ZBBX: variants seen among roughly 807,000 people sequenced by gnomAD.
ZBBX encodes zinc finger B-box domain-containing protein 1.
ZBBX carries 101 observed loss-of-function variants against 108.5 expected under a neutral mutation model. The observed-to-expected ratio is 0.93, with a 90% CI of 0.79 to 1.10. The LOEUF (loss-of-function observed/expected upper bound fraction) is 1.10. ZBBX is among the 50% of genes least tolerant of loss of function. The probability of loss-of-function intolerance (pLI) is 0.00; values close to 1 mark genes in which losing one functional copy is unlikely to be tolerated. For synonymous variants in ZBBX, 356 were observed against 323.4 expected, an observed-to-expected ratio of 1.10 and a Z score of -1.08; for missense variants, 1,009 against 941.4, an observed-to-expected ratio of 1.07 and a Z score of -0.94.
chr3:167,241,428 C>T (rs1266245718), intron 21 of ZBBX, among the ~76,000 whole-genome samples: 1 of 152,054 alleles, frequency 6.6e-6, no homozygotes, highest in East Asian at 1.9e-4. Context: ...CAGGGGGCAC[C>T]TTATTCTGTT....
chr3:167,298,900 T>A lies in ZBBX; in HGVS notation c.1726-442A>T, dbSNP rs539386663. Among the ~76,000 whole-genome samples the A allele has an allele frequency of 2.0e-5, 3 of 151,678 alleles. No homozygotes were observed. The East Asian group carries it at 5.8e-4, about 29-fold the overall frequency. On this transcript the variant is annotated intron_variant, in intron 17 of 21. Transcript: ENST00000675490. Reference sequence around the variant, plus strand: ...CTGACAATGGTCATGGAAAAAAAAATGTAAGTTAACAAAACACTCATCATG... The same window carrying A: ...CTGACAATGGTCATGGAAAAAAAAAAGTAAGTTAACAAAACACTCATCATG...
the ZBBX span, among the ~76,000 whole-genome samples, chr3:167,208,073 C>T: frequency 1.3e-5 from 2 of 152,168 alleles, no homozygotes; most frequent in Non-Finnish European, 2.9e-5. Flanking sequence ...TGGAAAGCAA[C>T]ATCACACAGA....
At chr3:167,370,243 C>T (rs543872511) in intron 4 of ZBBX, among the ~76,000 whole-genome samples, 14 of 152,186 alleles carry the variant, frequency 9.2e-5, no homozygotes, top group African/African-American at 3.4e-4. Flanking sequence ...AAAAATGGAG[C>T]TTTTGAGAAA....
intron 1 of ZBBX, among the ~76,000 whole-genome samples, chr3:167,389,105 G>T (rs375920749): frequency 2.0e-5 from 3 of 151,652 alleles, no homozygotes; most frequent in Non-Finnish European, 4.4e-5. Context: ...CTTAGGTATT[G>T]GTCCTAATGT....
intron 1 of ZBBX, among the ~76,000 whole-genome samples, chr3:167,407,553 A>G (rs1012720343): frequency 3.9e-5 from 6 of 152,164 alleles, no homozygotes; most frequent in Admixed American, 3.9e-4. Context: ...CAATAACAAA[A>G]TGTCAATTAA....
intron 16 of ZBBX, among the ~76,000 whole-genome samples, chr3:167,312,530 T>C (rs1734765779): frequency 6.6e-6 from 1 of 152,176 alleles, no homozygotes; most frequent in Non-Finnish European, 1.5e-5. Flanking sequence ...TATGTATGTG[T>C]ATAGAGCAAA....
chr3:167,191,934 T>TATAGAGAGAG, the ZBBX span, among the ~76,000 whole-genome samples: 82 of 130,212 alleles, frequency 6.3e-4, 2 homozygotes, highest in African/African-American at 2.2e-3. Context: ...TATATATATA[T>TATAGAGAGAG]AGAGCAAGTT....
chr3:167,348,348 G>GAAAGAA (rs1553832761), intron 9 of ZBBX, among the ~76,000 whole-genome samples: 3 of 106,112 alleles, frequency 2.8e-5, no homozygotes, highest in African/African-American at 1.1e-4. Flanking sequence ...AAGAAAGAAA[G>GAAAGAA]AAAGAAAGAA....
chr3:167,200,512 T>C, the ZBBX span, among the ~76,000 whole-genome samples: 3 of 152,156 alleles, frequency 2.0e-5, no homozygotes, highest in Non-Finnish European at 4.4e-5. Context: ...CAGAGTGTCC[T>C]GAGGCTTGAA....
At chr3:167,244,275 T>A (rs1721187418) in intron 20 of ZBBX, among the ~76,000 whole-genome samples, 2 of 152,168 alleles carry the variant, frequency 1.3e-5, no homozygotes, top group Non-Finnish European at 2.9e-5. Flanking sequence ...TATTTTTCCG[T>A]ATGGTAAAAG....
downstream of ZBBX, among the ~76,000 whole-genome samples, chr3:167,238,300 G>T (rs1055493150): frequency 6.6e-6 from 1 of 152,066 alleles, no homozygotes; most frequent in African/African-American, 2.4e-5. Flanking sequence ...TGTGACAGAG[G>T]ACATGTTAAG....
chr3:167,235,489 ATG>A (rs1400633621), downstream of ZBBX, among the ~76,000 whole-genome samples: 2 of 151,500 alleles, frequency 1.3e-5, no homozygotes, highest in Non-Finnish European at 3.0e-5. Flanking sequence ...TGTAACTAGA[ATG>A]TGTAGATATA....
intron 18 of ZBBX, among the ~76,000 whole-genome samples, chr3:167,295,270 T>C (rs1297293867): frequency 8.5e-5 from 13 of 152,070 alleles, no homozygotes; most frequent in Admixed American, 7.9e-4. Flanking sequence ...CTGTTCACAA[T>C]AGCAGACTTG....
chr3:167,294,774 G>A (rs1235974324), intron 18 of ZBBX, among the ~76,000 whole-genome samples: 2 of 151,908 alleles, frequency 1.3e-5, no homozygotes, highest in East Asian at 3.9e-4. Flanking sequence ...CAGAATGGAA[G>A]AAAATTTTGG....
the ZBBX span, among the ~76,000 whole-genome samples, chr3:167,208,943 G>A: frequency 6.6e-6 from 1 of 152,092 alleles, no homozygotes; most frequent in South Asian, 2.1e-4. Context: ...CTGCATTAAC[G>A]GGAGAGTCCC....
chr3:167,268,614 C>T (rs757783243), intron 20 of ZBBX, among the ~76,000 whole-genome samples: 24 of 152,086 alleles, frequency 1.6e-4, no homozygotes, highest in Admixed American at 3.3e-4. Context: ...AAGGACCAAA[C>T]GAGACAATAT....
chr3:167,365,895 A>G lies in ZBBX; in HGVS notation c.264T>C (p.Asn88=), dbSNP rs781392870. The G allele has an allele frequency of 6.8e-5, 109 of 1,605,442 alleles. No homozygotes were observed. The Middle Eastern group carries it at 3.6e-3, about 54-fold the overall frequency. The change falls in exon 6 of 22, where the codon AAT becomes AAC. Residue 88 remains asparagine, a synonymous_variant. Coordinates refer to ENST00000675490, the MANE Select transcript of ZBBX (RefSeq NM_001199201.2). Reference sequence around the variant, plus strand: ...AATAGTATCTTCTTACCTTAACAACATTTCCTTTATTTTGTGACATCATAT... The same window carrying G: ...AATAGTATCTTCTTACCTTAACAACGTTTCCTTTATTTTGTGACATCATAT... ...QSYMMSQNKG[N]VVKFSAGKVK... is the part of the protein sequence containing the mutation.
intron 9 of ZBBX, among the ~76,000 whole-genome samples, chr3:167,349,969 G>T (rs777970198): frequency 6.6e-6 from 1 of 151,750 alleles, no homozygotes; most frequent in Non-Finnish European, 1.5e-5. Context: ...TGTACAGAAG[G>T]AAAAATAGAA....
At chr3:167,191,670 T>G in the ZBBX span, among the ~76,000 whole-genome samples, 1 of 151,922 alleles carries the variant, frequency 6.6e-6, no homozygotes, top group South Asian at 2.1e-4. Flanking sequence ...CGTGGAACTG[T>G]GAGTCCAATT....
Sources: allele counts gnomAD v4.1 joint callset (sites outside exome capture counted in the v4.1 genomes callset), GRCh38; gene constraint gnomAD v4.1.1; transcripts MANE v1.5; gene names NCBI Gene and HGNC (gene_info 2026-07-23, HGNC 2026-07-21).